PDE1C: variants seen among roughly 807,000 people sequenced by gnomAD.
PDE1C encodes the protein dual specificity calcium/calmodulin-dependent 3',5'-cyclic nucleotide phosphodiesterase 1C.
In PDE1C, 62 loss-of-function variants were observed where a neutral mutation model predicts 93.1. The observed-to-expected ratio is 0.67, with a 90% CI of 0.54 to 0.82. The LOEUF is 0.82. Among genes scored for constraint, PDE1C ranks in the 40% least tolerant of loss-of-function variants. PDE1C has a pLI of 0.00. For synonymous variants in PDE1C, 325 were observed against 310.1 expected, an observed-to-expected ratio of 1.05 and a Z score of -0.50; for missense variants, 742 against 884.6, an observed-to-expected ratio of 0.84 and a Z score of 2.04.
chr7:31,813,675 T>C (rs545714733), intron 15 of PDE1C, among the ~76,000 whole-genome samples: 1 of 152,240 alleles, frequency 6.6e-6, no homozygotes, highest in South Asian at 2.1e-4. Context: ...TTTATTTCCA[T>C]AGGTTTTTGG....
chr7:31,868,644 A>G (rs942291691), intron 6 of PDE1C, among the ~76,000 whole-genome samples: 1 of 152,180 alleles, frequency 6.6e-6, no homozygotes, highest in East Asian at 1.9e-4. Context: ...ATACTAGTGG[A>G]AAAATTCCCA....
chr7:32,107,503 GA>G (rs1274070952), intron 3 of PDE1C, among the ~76,000 whole-genome samples: 1 of 152,024 alleles, frequency 6.6e-6, no homozygotes, highest in Non-Finnish European at 1.5e-5. Context: ...AGCATTGAAT[GA>G]AAAAAAGCAA....
chr7:31,963,110 G>C (rs1478698465), intron 2 of PDE1C, among the ~76,000 whole-genome samples: 1 of 152,016 alleles, frequency 6.6e-6, no homozygotes, highest in Non-Finnish European at 1.5e-5. Context: ...TTTTTTAAAA[G>C]CCAGATGGTC....
intron 1 of PDE1C, among the ~76,000 whole-genome samples, chr7:32,214,683 T>A (rs1263153169): frequency 6.6e-6 from 1 of 152,170 alleles, no homozygotes; most frequent in African/African-American, 2.4e-5. Flanking sequence ...GAGCGAGGTA[T>A]ATCTCTGCTT....
the PDE1C span, among the ~76,000 whole-genome samples, chr7:31,685,538 G>T: frequency 6.6e-6 from 1 of 152,136 alleles, no homozygotes; most frequent in Non-Finnish European, 1.5e-5. Flanking sequence ...TTCCACTCAA[G>T]TGTGGACTGA....
At chr7:32,409,755 A>C (rs1785127052) in intron 1 of PDE1C, among the ~76,000 whole-genome samples, 2 of 151,834 alleles carry the variant, frequency 1.3e-5, no homozygotes, top group Admixed American at 1.3e-4. Context: ...ATAATTTCAT[A>C]TATATATATT....
intron 2 of PDE1C, among the ~76,000 whole-genome samples, chr7:32,020,591 A>G (rs1335094324): frequency 1.3e-5 from 2 of 152,230 alleles, no homozygotes; most frequent in East Asian, 3.9e-4. Context: ...GAAAGAAAAC[A>G]CAGATACTTA....
intron 1 of PDE1C, among the ~76,000 whole-genome samples, chr7:32,418,830 T>G (rs898780269): frequency 6.6e-6 from 1 of 152,206 alleles, no homozygotes; most frequent in Non-Finnish European, 1.5e-5. Context: ...CTGCCCTGCA[T>G]GTAATCTTCA....
chr7:31,695,360 G>A, the PDE1C span: 2 of 981,362 alleles, frequency 2.0e-6, no homozygotes, highest in South Asian at 2.1e-5. Context: ...TCCTTTTCAG[G>A]CCAAATCACC....
At chr7:31,764,073 A>C (rs6966690) in intron 17 of PDE1C, among the ~76,000 whole-genome samples, 19,861 of 151,586 alleles carry the variant, frequency 0.13, 1,611 homozygotes, top group Non-Finnish European at 0.18. Context: ...GTGCCATTTT[A>C]AGCAAAGGAA....
chr7:32,178,968 C>T (rs1803193846), intron 2 of PDE1C, among the ~76,000 whole-genome samples: 1 of 152,152 alleles, frequency 6.6e-6, no homozygotes, highest in Non-Finnish European at 1.5e-5. Context: ...GAATCATCAG[C>T]CCTTCAAAGT....
At chr7:32,033,568 GCA>G (rs1275509222) in intron 2 of PDE1C, among the ~76,000 whole-genome samples, 1 of 152,046 alleles carries the variant, frequency 6.6e-6, no homozygotes, top group Admixed American at 6.6e-5. Context: ...TGGTTCCCGA[GCA>G]CAGTCAGCTT....
chr7:32,350,228 C>T (rs1440933438), intron 1 of PDE1C, among the ~76,000 whole-genome samples: 2 of 152,146 alleles, frequency 1.3e-5, no homozygotes, highest in African/African-American at 4.8e-5. Flanking sequence ...CATCAATTCA[C>T]AGCCAATTGT....
intron 7 of PDE1C, among the ~76,000 whole-genome samples, chr7:31,856,947 A>G (rs1794097423): frequency 6.6e-6 from 1 of 152,130 alleles, no homozygotes. Context: ...GCAGACAGCT[A>G]TATTCTCTCT....
At chr7:32,123,439 T>G (rs1210072352) in intron 3 of PDE1C, among the ~76,000 whole-genome samples, 1 of 152,128 alleles carries the variant, frequency 6.6e-6, no homozygotes, top group Non-Finnish European at 1.5e-5. Flanking sequence ...ATATCCCTGA[T>G]GAACATCAAT....
At chr7:32,410,564 A>G (rs1004752104) in intron 1 of PDE1C, among the ~76,000 whole-genome samples, 11 of 152,054 alleles carry the variant, frequency 7.2e-5, no homozygotes, top group African/African-American at 2.7e-4. Context: ...CCACTTGGCC[A>G]TTATCTACCC....
chr7:32,374,949 C>T (rs76766723), intron 1 of PDE1C, among the ~76,000 whole-genome samples: 3,189 of 152,240 alleles, frequency 0.021, 104 homozygotes, highest in African/African-American at 0.073. Flanking sequence ...TGGACAAGCA[C>T]CACCGAGTTC....
chr7:31,809,140 G>T (rs918291280), intron 15 of PDE1C, 32 bp from the exon 16 acceptor site: 4 of 1,204,208 alleles, frequency 3.3e-6, no homozygotes, highest in African/African-American at 1.5e-5. Flanking sequence ...AACAGTATAT[G>T]TATGCAGCTG....
intron 1 of PDE1C, among the ~76,000 whole-genome samples, chr7:32,406,109 C>T (rs920226732): frequency 6.6e-6 from 1 of 152,084 alleles, no homozygotes; most frequent in East Asian, 1.9e-4. Flanking sequence ...AGAGAAGGTA[C>T]GTGCCTTACC....
Sources: allele counts gnomAD v4.1 joint callset (sites outside exome capture counted in the v4.1 genomes callset), GRCh38; gene constraint gnomAD v4.1.1; transcripts MANE v1.5; gene names NCBI Gene and HGNC (gene_info 2026-07-23, HGNC 2026-07-21).